The following DENND1B variants were observed in gnomAD, a reference collection of about 807,000 sequenced individuals.
DENND1B encodes the protein DENN domain containing 1B, also known as DENN domain-containing protein 1B.
A neutral mutation model predicts 90.1 loss-of-function variants in DENND1B; 59 were observed. The ratio of observed to expected loss-of-function variants is 0.65; its 90% CI spans 0.53 to 0.81. The LOEUF is 0.81. DENND1B is among the 40% of genes least tolerant of loss of function. The pLI is 0.00. For synonymous variants in DENND1B, 337 were observed against 324.6 expected, an observed-to-expected ratio of 1.04 and a Z score of -0.41; for missense variants, 862 against 912.6, an observed-to-expected ratio of 0.94 and a Z score of 0.71.
chr1:197,701,520 C>A (rs1659026839), intron 3 of DENND1B, among the ~76,000 whole-genome samples: 1 of 151,386 alleles, frequency 6.6e-6, no homozygotes, highest in Non-Finnish European at 1.5e-5. Context: ...AACAAACCTG[C>A]AGGTTCTGTA....
At chr1:197,744,344 GAT>G (rs1663503897) in intron 2 of DENND1B, among the ~76,000 whole-genome samples, 1 of 152,152 alleles carries the variant, frequency 6.6e-6, no homozygotes, top group African/African-American at 2.4e-5. Context: ...TAGACTTAAT[GAT>G]ATAAAACTTG....
chr1:197,714,893 T>C (rs1048456098), intron 3 of DENND1B, 138 bp downstream of exon 3: 2 of 683,268 alleles, frequency 2.9e-6, no homozygotes, highest in African/African-American at 3.7e-5. Flanking sequence ...CATGCATTTT[T>C]GTCTCACAGT....
chr1:197,687,189 C>G (rs1386200320), intron 3 of DENND1B, among the ~76,000 whole-genome samples: 1 of 152,136 alleles, frequency 6.6e-6, no homozygotes, highest in Non-Finnish European at 1.5e-5. Flanking sequence ...GCCGTGGAAC[C>G]TCAGGCGAGT....
chr1:197,674,061 C>G, intron 4 of DENND1B, 59 bp downstream of exon 4: 1 of 1,180,066 alleles, frequency 8.5e-7, no homozygotes, highest in South Asian at 1.4e-5. Flanking sequence ...CACATGTAAT[C>G]ATTTTCAAGT....
chr1:197,615,025 T>C (rs754185064), intron 11 of DENND1B, among the ~76,000 whole-genome samples: 1 of 151,022 alleles, frequency 6.6e-6, no homozygotes, highest in Non-Finnish European at 1.5e-5. Flanking sequence ...GCACCTTCCC[T>C]AAGCTACCAG....
At chr1:197,770,889 T>C (rs1656502444) in intron 2 of DENND1B, among the ~76,000 whole-genome samples, 1 of 142,934 alleles carries the variant, frequency 7.0e-6, no homozygotes, top group Admixed American at 7.3e-5. Context: ...TATGTATCTA[T>C]AAATATATCT....
chr1:197,554,591 G>A (rs1671542340), intron 15 of DENND1B, among the ~76,000 whole-genome samples: 1 of 151,964 alleles, frequency 6.6e-6, no homozygotes, highest in African/African-American at 2.4e-5. Context: ...TGTAATACCA[G>A]CGTTTTGGGA....
chr1:197,596,802 G>C (rs1024143370), intron 13 of DENND1B, among the ~76,000 whole-genome samples: 10 of 151,830 alleles, frequency 6.6e-5, no homozygotes, highest in Non-Finnish European at 1.3e-4. Context: ...ACTAAACTTT[G>C]AATAATGCTA....
rs1010580295 is a variant in DENND1B, at chr1:197,771,022, G to A, written c.82+1846C>T. Among the ~76,000 whole-genome samples, 5 of 149,190 alleles carry A rather than the reference G, an allele frequency of 3.4e-5. 1 individual carries two copies. The highest frequency in any genetic ancestry group is 4.2e-4 in the South Asian group (2 of 4,778). ...CACAACCCCAGTTCAACTGATTCTC[G>A]TGCCTCAGCCTCCCCAGTAGCTGGG... On this transcript the variant is annotated intron_variant, in intron 2 of 22. Transcript: ENST00000620048.
chr1:197,640,385 A>C (rs182527728), intron 10 of DENND1B, among the ~76,000 whole-genome samples: 1 of 151,888 alleles, frequency 6.6e-6, no homozygotes, highest in Non-Finnish European at 1.5e-5. Flanking sequence ...AGGTAGGAGA[A>C]TATCTTGAAC....
intron 3 of DENND1B, 56 bp from the exon 4 acceptor site, chr1:197,674,225 C>A (rs895627092): frequency 1.5e-6 from 2 of 1,309,482 alleles, no homozygotes; most frequent in Non-Finnish European, 2.1e-6. Context: ...TTTTAAGAAG[C>A]AGTTAAAACT....
intron 11 of DENND1B, among the ~76,000 whole-genome samples, chr1:197,614,684 C>T (rs1301003698): frequency 6.6e-6 from 1 of 150,720 alleles, no homozygotes; most frequent in East Asian, 2.0e-4. Context: ...AAAGAGACCA[C>T]TCATGACACA....
chr1:197,662,749 G>A (rs963362765), intron 5 of DENND1B, among the ~76,000 whole-genome samples: 4 of 151,918 alleles, frequency 2.6e-5, no homozygotes. Context: ...AGGCATTTCA[G>A]GCAGCTAAAT....
At chr1:197,529,332 A>G (rs182669601) in intron 20 of DENND1B, among the ~76,000 whole-genome samples, 51 of 143,494 alleles carry the variant, frequency 3.6e-4, no homozygotes, top group South Asian at 1.1e-3. Context: ...GTGTATATAT[A>G]TGTGTGTGTG....
intron 3 of DENND1B, among the ~76,000 whole-genome samples, chr1:197,703,228 C>G (rs985202182): frequency 6.6e-6 from 1 of 151,810 alleles, no homozygotes; most frequent in Non-Finnish European, 1.5e-5. Context: ...TTCAAGTGAT[C>G]TGCCTGCCTA....
At chr1:197,653,486 T>G (rs192656644) in intron 6 of DENND1B, among the ~76,000 whole-genome samples, 5 of 152,224 alleles carry the variant, frequency 3.3e-5, no homozygotes, top group Admixed American at 3.3e-4. Flanking sequence ...TTTCTTACAT[T>G]GATCAAGTAA....
chr1:197,511,502 A>G (rs1157348247), intron 22 of DENND1B, among the ~76,000 whole-genome samples: 1 of 151,758 alleles, frequency 6.6e-6, no homozygotes, highest in Non-Finnish European at 1.5e-5. Context: ...AATAATTTCA[A>G]TTAATGACAA....
intron 3 of DENND1B, among the ~76,000 whole-genome samples, chr1:197,695,500 TTTAA>T (rs1658339869): frequency 6.6e-6 from 1 of 151,090 alleles, no homozygotes; most frequent in African/African-American, 2.4e-5. Flanking sequence ...TAAATTTTTA[TTTAA>T]TTAAACATTA....
rs1018002368 is a variant in DENND1B, at chr1:197,647,035, C to T, written c.507+20G>A. 2.1e-6 allele frequency: 3 copies of T among 1,459,672 alleles called. No homozygotes were observed. The highest frequency in any genetic ancestry group is 3.0e-5 in the African/African-American group (2 of 66,684). The allele number at this position is 1,459,672 out of a possible 1,614,324, so 90.4% of individuals were successfully genotyped here. On this transcript the variant is annotated intron_variant, in intron 8 of 22. Transcript: ENST00000620048. ...CCTATTTAATAGTGATTTTTAGAAGCCAATGTCCTTTTAACTCACCGGTAC... is the reference window on the plus strand; with the variant it reads ...CCTATTTAATAGTGATTTTTAGAAGTCAATGTCCTTTTAACTCACCGGTAC...
Sources: allele counts gnomAD v4.1 joint callset (sites outside exome capture counted in the v4.1 genomes callset), GRCh38; gene constraint gnomAD v4.1.1; transcripts MANE v1.5; gene names NCBI Gene and HGNC (gene_info 2026-07-23, HGNC 2026-07-21).